Variants in YTHDF2 observed in about 807,000 individuals in gnomAD.
YTHDF2 encodes YTH N6-methyladenosine RNA binding protein F2.
YTHDF2 carries 2 observed loss-of-function variants against 50.4 expected under a neutral mutation model. The ratio of observed to expected loss-of-function variants is 0.04; its 90% confidence interval spans 0.02 to 0.12. The LOEUF is 0.12. YTHDF2 is among the 10% of genes least tolerant of loss of function. The pLI, the probability that YTHDF2 is intolerant of heterozygous loss-of-function variation, is 1.00. For synonymous variants in YTHDF2, 217 were observed against 255.6 expected (o/e 0.85, Z 1.44); for missense variants, 483 against 722.6 (o/e 0.67, Z 3.80).
intron 3 of YTHDF2, among the ~76,000 whole-genome samples, chr1:28,741,335 T>C (rs1327236570): frequency 1.3e-5 from 2 of 152,004 alleles, no homozygotes; most frequent in South Asian, 2.1e-4. Context: ...TCTGGCTCTG[T>C]TGCCTGGGCT....
In YTHDF2 at chr1:28,753,358, C is replaced by CAAAAAAAAAAAAAAAAAAAAAAAAA. The variant is rs34047138; in HGVS notation, c.1716+9388_1716+9412dup. ...GCAACATAATGAAATCCTGCCTCTC[C>CAAAAAAAAAAAAAAAAAAAAAAAAA]AAAAAAAAAAAAAAAAAAAAAAAAA... On this transcript the variant is annotated intron_variant, in intron 4 of 4. Coordinates refer to ENST00000373812, the MANE Select transcript of YTHDF2 (RefSeq NM_016258.3). 4.8e-3 allele frequency among the ~76,000 whole-genome samples: 81 copies of CAAAAAAAAAAAAAAAAAAAAAAAAA among 16,946 alleles called. 40 individuals carry two copies. Among genetic ancestry groups the CAAAAAAAAAAAAAAAAAAAAAAAAA allele is most frequent in the Non-Finnish European group, 6.3e-3 (65 of 10,350 alleles). 11.1% of individuals were successfully genotyped at this position (16,946 alleles called of 152,430 possible).
chr1:28,750,022 CT>C (rs1295867915), intron 4 of YTHDF2, among the ~76,000 whole-genome samples: 1 of 85,656 alleles, frequency 1.2e-5, no homozygotes, highest in African/African-American at 4.5e-5. Context: ...TGGAGTTTCA[CT>C]TTTGTCACCC....
intron 4 of YTHDF2, among the ~76,000 whole-genome samples, chr1:28,746,590 C>G (rs1408168523): frequency 8.8e-6 from 1 of 114,094 alleles, no homozygotes; most frequent in Non-Finnish European, 1.8e-5. Context: ...ACTAAAAATA[C>G]TACAAAAAAA....
intron 1 of YTHDF2, 123 bp downstream of exon 1, chr1:28,737,270 T>G: frequency 7.5e-7 from 1 of 1,328,198 alleles, no homozygotes; most frequent in Non-Finnish European, 1.0e-6. Flanking sequence ...CGGGCCAGGT[T>G]TCGGGCCTCT....
At chr1:28,767,261 A>G (rs953693188) in intron 4 of YTHDF2, among the ~76,000 whole-genome samples, 4 of 152,180 alleles carry the variant, frequency 2.6e-5, no homozygotes, top group African/African-American at 9.7e-5. Context: ...GTGTTTAAAG[A>G]ATGAGACAGT....
intron 4 of YTHDF2, among the ~76,000 whole-genome samples, chr1:28,746,593 CA>C (rs35500198): frequency 0.048 from 6,323 of 132,398 alleles, 278 homozygotes; most frequent in African/African-American, 0.13. Flanking sequence ...AAAAATACTA[CA>C]AAAAAAAAAA....
At chr1:28,764,894 C>G (rs928880177) in intron 4 of YTHDF2, among the ~76,000 whole-genome samples, 1 of 151,642 alleles carries the variant, frequency 6.6e-6, no homozygotes, top group Non-Finnish European at 1.5e-5. Context: ...GATGAGGTCT[C>G]GCTATGTTCT....
intron 4 of YTHDF2, among the ~76,000 whole-genome samples, chr1:28,744,212 AAAACAGTACAAGGAAATCAGACAG>A (rs2087822187): frequency 6.6e-6 from 1 of 152,366 alleles, no homozygotes; most frequent in African/African-American, 2.4e-5. Flanking sequence ...AAGGAAAGCA[AAAACAGTACAAGGAAATCAGACAG>A]AAACAGTACA....
Position 28,742,715 on chromosome 1 carries a change from T to C in YTHDF2, c.445T>C (p.Tyr149His). 6.2e-7 allele frequency: 1 copy of C among 1,614,188 alleles called. No homozygotes were observed. Among genetic ancestry groups the C allele is most frequent in the Non-Finnish European group, 8.5e-7 (1 of 1,180,030 alleles). Reference sequence around the variant, plus strand: ...GGGACAGTCTACTCAGAGCTCTGGATATAGTAGCAATTATGCTTATGCACC... The same window carrying C: ...GGGACAGTCTACTCAGAGCTCTGGACATAGTAGCAATTATGCTTATGCACC... ...SQGQSTQSSGYSSNYAYAPSS... is the reference protein window; with the variant it reads ...SQGQSTQSSGHSSNYAYAPSS... Residue 149 changes from tyrosine (Y) to histidine (H), a missense_variant, in exon 4 of 5, where the codon TAT becomes CAT. Transcript: ENST00000373812.
chr1:28,761,022 A>G (rs2088117109), intron 4 of YTHDF2, among the ~76,000 whole-genome samples: 1 of 152,096 alleles, frequency 6.6e-6, no homozygotes, highest in African/African-American at 2.4e-5. Flanking sequence ...AGTGGCTTCG[A>G]CATCGCTAGG....
intron 4 of YTHDF2, among the ~76,000 whole-genome samples, chr1:28,749,176 T>C (rs2124180324): frequency 1.4e-5 from 2 of 141,754 alleles, no homozygotes; most frequent in South Asian, 2.3e-4. Flanking sequence ...CCTTTCTTTC[T>C]TCCTTTTTTT....
chr1:28,759,030 TGAAGA>T (rs1429755698), intron 4 of YTHDF2, among the ~76,000 whole-genome samples: 4 of 152,334 alleles, frequency 2.6e-5, no homozygotes, highest in African/African-American at 7.2e-5. Context: ...TAGAAATGAT[TGAAGA>T]GAAGTTTTTC....
At chr1:28,746,689 G>C (rs946314825) in intron 4 of YTHDF2, among the ~76,000 whole-genome samples, 1 of 152,094 alleles carries the variant, frequency 6.6e-6, no homozygotes, top group Non-Finnish European at 1.5e-5. Flanking sequence ...GGACCCGGGA[G>C]GCAGGGGTTG....
Position 28,742,435 on chromosome 1 carries a change from C to T in YTHDF2, c.165C>T (p.Tyr55=), listed in dbSNP as rs1261452595. 3 of 1,586,924 alleles carry T rather than the reference C, an allele frequency of 1.9e-6. No individual in the cohort carries two copies. Among genetic ancestry groups the T allele is most frequent in the African/African-American group, 2.7e-5 (2 of 73,534 alleles). Residue 55 remains tyrosine, a synonymous_variant, in exon 4 of 5, where the codon TAC becomes TAT. Transcript: ENST00000373812. Reference sequence around the variant, plus strand: ...CATATACTGCCATGTCAGATTCCTACTTACCCAGTTACTACAGTCCCTCCA... The same window carrying T: ...CATATACTGCCATGTCAGATTCCTATTTACCCAGTTACTACAGTCCCTCCA... The part of the protein sequence containing the change: ...NNAYTAMSDS[Y]LPSYYSPSIG...
chr1:28,738,403 CAATA>C, intron 3 of YTHDF2, 65 bp downstream of exon 3: 1 of 1,271,308 alleles, frequency 7.9e-7, no homozygotes, highest in Non-Finnish European at 1.1e-6. Flanking sequence ...CGCCTTCTAC[CAATA>C]AATCCCATTT....
At chr1:28,762,985 C>T (rs1217057960) in intron 4 of YTHDF2, among the ~76,000 whole-genome samples, 1 of 151,614 alleles carries the variant, frequency 6.6e-6, no homozygotes, top group Non-Finnish European at 1.5e-5. Flanking sequence ...TGCCACCACG[C>T]TTGGCTAATT....
chr1:28,742,441 C>A lies in YTHDF2; in HGVS notation c.171C>A (p.Pro57=), dbSNP rs755569731. 3 of 1,592,262 alleles carry A rather than the reference C, an allele frequency of 1.9e-6. No individual in the cohort carries two copies. Among genetic ancestry groups the A allele is most frequent in the South Asian group, 1.1e-5 (1 of 87,510 alleles). ...AYTAMSDSYL[P]SYYSPSIGFS... ...CTGCCATGTCAGATTCCTACTTACCCAGTTACTACAGTCCCTCCATTGGCT... is the reference window on the plus strand; with the variant it reads ...CTGCCATGTCAGATTCCTACTTACCAAGTTACTACAGTCCCTCCATTGGCT... The change falls in exon 4 of 5, where the codon CCC becomes CCA. Residue 57 remains proline, a synonymous_variant. Coordinates refer to ENST00000373812, the MANE Select transcript of YTHDF2 (RefSeq NM_016258.3).
chr1:28,757,420 T>C (rs938366342), intron 4 of YTHDF2, among the ~76,000 whole-genome samples: 24 of 125,626 alleles, frequency 1.9e-4, no homozygotes, highest in Non-Finnish European at 3.3e-4. Flanking sequence ...GGACAGGGGC[T>C]GGCAGTTGTT....
In YTHDF2 at chr1:28,762,316, C is replaced by T. The variant is rs147781007; in HGVS notation, c.1717-6613C>T. Reference sequence around the variant, plus strand: ...CTGAGGCAGGAGAATGGCATGAACCCGGGAGGTGGAGCTTGCAGTGAGTGG... The same window carrying T: ...CTGAGGCAGGAGAATGGCATGAACCTGGGAGGTGGAGCTTGCAGTGAGTGG... On this transcript the variant is annotated intron_variant, in intron 4 of 4. Transcript: ENST00000373812. 6.1e-3 allele frequency among the ~76,000 whole-genome samples: 924 copies of T among 152,214 alleles called. 4 individuals are homozygous for T. The highest frequency in any genetic ancestry group is 0.021 in the African/African-American group (862 of 41,532).
Sources: gnomAD v4.1 joint callset for allele counts (sites outside exome capture counted in the v4.1 genomes callset) on GRCh38, gnomAD v4.1.1 for gene constraint, MANE v1.5 for transcripts, NCBI Gene and HGNC (gene_info 2026-07-23, HGNC 2026-07-21) for gene names.